COL25A1: variants seen among roughly 807,000 people sequenced by gnomAD.
COL25A1 encodes collagen alpha-1(XXV) chain.
In COL25A1, 103 loss-of-function variants were observed where a neutral mutation model predicts 128.4. That is an observed-to-expected ratio of 0.80 (90% CI 0.68 to 0.94). The LOEUF (loss-of-function observed/expected upper bound fraction) is 0.94. Ranked by LOEUF, COL25A1 falls within the 40% of genes least tolerant of loss-of-function variation. The pLI is 0.00. For synonymous variants in COL25A1, 279 were observed against 277.2 expected (o/e 1.01, Z -0.06); for missense variants, 745 against 840.0 (o/e 0.89, Z 1.40).
At chr4:109,038,970 G>T (rs1759610393) in intron 5 of COL25A1, among the ~76,000 whole-genome samples, 1 of 152,006 alleles carries the variant, frequency 6.6e-6, no homozygotes, top group Admixed American at 6.6e-5. Flanking sequence ...CCATCTCAGT[G>T]GCCTCACTAT....
chr4:108,878,984 T>C (rs1044006997), intron 19 of COL25A1, among the ~76,000 whole-genome samples: 1 of 152,250 alleles, frequency 6.6e-6, no homozygotes, highest in Non-Finnish European at 1.5e-5. Flanking sequence ...TCACATCCTA[T>C]GTTGCTTCAG....
At chr4:109,296,478 G>C (rs767964164) in intron 3 of COL25A1, among the ~76,000 whole-genome samples, 2 of 151,978 alleles carry the variant, frequency 1.3e-5, no homozygotes, top group African/African-American at 4.8e-5. Flanking sequence ...TAAGCTTCTT[G>C]AGGGAAGATA....
chr4:109,016,906 C>T (rs1039588672), intron 5 of COL25A1, among the ~76,000 whole-genome samples: 8 of 152,210 alleles, frequency 5.3e-5, no homozygotes, highest in Non-Finnish European at 1.2e-4. Flanking sequence ...ACTTGAGACC[C>T]AACAAATGGC....
Position 108,829,387 on chromosome 4 carries a change from G to GTATC in COL25A1, c.1711-2203_1711-2200dup, listed in dbSNP as rs34296727. Among the ~76,000 whole-genome samples, 465 of 147,674 alleles carry GTATC rather than the reference G, an allele frequency of 3.1e-3. 3 individuals are homozygous for GTATC. The highest frequency in any genetic ancestry group is 4.1e-3 in the East Asian group (20 of 4,884). Reference sequence around the variant, plus strand: ...TAGTAAGGTGTGTATGTGTAAGTGTGTATCTATCTATCTATCTATCTATCT... The same window carrying GTATC: ...TAGTAAGGTGTGTATGTGTAAGTGTGTATCTATCTATCTATCTATCTATCTATCT... On this transcript the variant is annotated intron_variant, in intron 32 of 37. Coordinates refer to ENST00000399132, the MANE Select transcript of COL25A1 (RefSeq NM_198721.4).
At chr4:108,983,906 C>T (rs552240155) in intron 6 of COL25A1, among the ~76,000 whole-genome samples, 1 of 152,254 alleles carries the variant, frequency 6.6e-6, no homozygotes, top group East Asian at 1.9e-4. Context: ...AAGAACAAAG[C>T]TTCCACAGTG....
chr4:109,001,318 G>C (rs1021213165), intron 6 of COL25A1, among the ~76,000 whole-genome samples: 1 of 17,006 alleles, frequency 5.9e-5, no homozygotes, highest in African/African-American at 9.6e-5. Context: ...CCAGACAACA[G>C]GCATATCTTC....
intron 19 of COL25A1, among the ~76,000 whole-genome samples, chr4:108,883,022 G>C (rs913448729): frequency 6.6e-6 from 1 of 151,876 alleles, no homozygotes; most frequent in African/African-American, 2.4e-5. Flanking sequence ...TCTCAAACTA[G>C]AAGTAGGAAT....
intron 22 of COL25A1, 111 bp from the exon 23 acceptor site, chr4:108,861,082 G>T (rs1036571454): frequency 1.3e-5 from 11 of 860,954 alleles, no homozygotes; most frequent in South Asian, 3.0e-5. Context: ...AACTTCTGAA[G>T]TGAAAAACAA....
At chr4:109,197,447 A>C in intron 3 of COL25A1, among the ~76,000 whole-genome samples, 2 of 118,934 alleles carry the variant, frequency 1.7e-5, no homozygotes, top group Admixed American at 1.1e-4. Context: ...TATATTATAT[A>C]TATTATATAT....
chr4:109,220,848 T>C (rs1034672675), intron 3 of COL25A1, among the ~76,000 whole-genome samples: 1 of 152,140 alleles, frequency 6.6e-6, no homozygotes, highest in African/African-American at 2.4e-5. Flanking sequence ...ATCACATTGC[T>C]TATGAGGTTT....
intron 6 of COL25A1, among the ~76,000 whole-genome samples, chr4:108,982,647 T>G (rs1011379368): frequency 6.6e-6 from 1 of 152,132 alleles, no homozygotes; most frequent in Non-Finnish European, 1.5e-5. Flanking sequence ...ATAAACAGAT[T>G]TATAGCTTCA....
At chr4:109,018,413 G>T (rs1222396917) in intron 5 of COL25A1, among the ~76,000 whole-genome samples, 2 of 152,080 alleles carry the variant, frequency 1.3e-5, no homozygotes, top group Non-Finnish European at 2.9e-5. Context: ...TAGTAGAGAT[G>T]GGGTTTCACC....
intron 6 of COL25A1, among the ~76,000 whole-genome samples, chr4:108,991,256 T>C (rs139999604): frequency 2.7e-3 from 415 of 152,266 alleles, no homozygotes; most frequent in African/African-American, 9.5e-3. Flanking sequence ...AAGTAGGCAA[T>C]AGAAATTCTT....
chr4:109,175,250 G>C (rs1274731415), intron 3 of COL25A1, among the ~76,000 whole-genome samples: 1 of 152,180 alleles, frequency 6.6e-6, no homozygotes, highest in East Asian at 1.9e-4. Flanking sequence ...AAATGACATC[G>C]AGTTTCTAGC....
intron 3 of COL25A1, among the ~76,000 whole-genome samples, chr4:109,276,194 T>A (rs1722820719): frequency 6.6e-6 from 1 of 152,076 alleles, no homozygotes; most frequent in Admixed American, 6.6e-5. Flanking sequence ...GTGGATCACC[T>A]GAGGTCAGGA....
intron 17 of COL25A1, 122 bp downstream of exon 17, chr4:108,889,579 T>C: frequency 3.6e-6 from 3 of 838,088 alleles, no homozygotes; most frequent in Non-Finnish European, 5.8e-6. Flanking sequence ...AGCCCAGTTA[T>C]TGTAGGAGAA....
chr4:108,874,023 A>G (rs1220852863), intron 19 of COL25A1, among the ~76,000 whole-genome samples: 2 of 152,240 alleles, frequency 1.3e-5, no homozygotes, highest in Non-Finnish European at 2.9e-5. Context: ...CTAAGTTTAT[A>G]GAAATATTTT....
intron 8 of COL25A1, among the ~76,000 whole-genome samples, chr4:108,945,876 G>C (rs571174288): frequency 6.6e-6 from 1 of 152,162 alleles, no homozygotes; most frequent in African/African-American, 2.4e-5. Flanking sequence ...TGTTGCCCAG[G>C]CTGGTCTCGA....
intron 3 of COL25A1, among the ~76,000 whole-genome samples, chr4:109,251,997 G>A (rs1450031643): frequency 6.6e-6 from 1 of 152,210 alleles, no homozygotes; most frequent in Non-Finnish European, 1.5e-5. Flanking sequence ...GGGGAACGTT[G>A]CAAGGCCAAT....
Sources: allele counts gnomAD v4.1 joint callset (sites outside exome capture counted in the v4.1 genomes callset), GRCh38; gene constraint gnomAD v4.1.1; transcripts MANE v1.5; gene names NCBI Gene and HGNC (gene_info 2026-07-23, HGNC 2026-07-21).